FLRT2: variants seen among roughly 807,000 people sequenced by gnomAD.
The protein encoded by FLRT2 is leucine-rich repeat transmembrane protein FLRT2.
FLRT2 carries 15 observed loss-of-function variants against 40.0 expected under a neutral mutation model. That is an observed-to-expected ratio of 0.38 (90% CI 0.25 to 0.58). FLRT2 has a LOEUF of 0.58. Among genes scored for constraint, FLRT2 ranks in the 20% least tolerant of loss-of-function variants. FLRT2 has a pLI of 0.71. For synonymous variants in FLRT2, 380 were observed against 336.8 expected (o/e 1.13, Z -1.41); for missense variants, 726 against 840.0 (o/e 0.86, Z 1.68).
chr14:85,545,387 C>T (rs12882499), intron 1 of FLRT2, among the ~76,000 whole-genome samples: 94,519 of 152,010 alleles, frequency 0.62, 30,194 homozygotes, highest in Middle Eastern at 0.73. Context: ...CCTCAGATTG[C>T]TTGTTTTACT....
chr14:85,537,867 C>T (rs1888762235), intron 1 of FLRT2, among the ~76,000 whole-genome samples: 2 of 146,148 alleles, frequency 1.4e-5, no homozygotes, highest in South Asian at 2.1e-4. Flanking sequence ...TCTTCCTTAG[C>T]GAATTTCACA....
intron 1 of FLRT2, among the ~76,000 whole-genome samples, chr14:85,603,340 A>G (rs1892464268): frequency 2.0e-5 from 3 of 152,092 alleles, no homozygotes; most frequent in Non-Finnish European, 4.4e-5. Context: ...ATCGATTATG[A>G]AGGAGAAAAA....
rs1398404412 is a variant in FLRT2, at chr14:85,636,891, T to A, written c.*13394T>A. 8.0e-6 allele frequency: 1 copy of A among 125,590 alleles called. No individual in the cohort carries two copies. The highest frequency in any genetic ancestry group is 1.6e-5 in the Non-Finnish European group (1 of 64,492). 7.8% of individuals were successfully genotyped at this position (125,590 alleles called of 1,614,324 possible). On this transcript the variant is annotated 3_prime_UTR_variant, in exon 2 of 2. Coordinates refer to ENST00000330753, the MANE Select transcript of FLRT2 (RefSeq NM_013231.6). ...TTGCAGTGAGCTGAGATAGTGCCAC[T>A]GCATTCTAGCCTGGGTGACAGAGCG...
In FLRT2 at chr14:85,621,349, C is replaced by A. The variant is rs952646145; in HGVS notation, c.-166C>A. ...AAGAGGGCAACACAGGCTGATAAGACCAGAGACAGCAGGGAGATTATTTTA... is the reference window on the plus strand; with the variant it reads ...AAGAGGGCAACACAGGCTGATAAGAACAGAGACAGCAGGGAGATTATTTTA... On this transcript the variant is annotated 5_prime_UTR_variant, in exon 2 of 2. Coordinates refer to ENST00000330753, the MANE Select transcript of FLRT2 (RefSeq NM_013231.6). 4 of 653,670 alleles carry A rather than the reference C, an allele frequency of 6.1e-6. No individual in the cohort carries two copies. The highest frequency in any genetic ancestry group is 3.6e-5 in the African/African-American group (2 of 54,846). 40.5% of individuals were successfully genotyped at this position (653,670 alleles called of 1,614,324 possible).
chr14:85,566,849 T>C (rs1332636822), intron 1 of FLRT2, among the ~76,000 whole-genome samples: 1 of 152,004 alleles, frequency 6.6e-6, no homozygotes, highest in African/African-American at 2.4e-5. Flanking sequence ...ATTTTTCAGT[T>C]TGGTCATTTG....
chr14:85,558,539 A>C (rs1281256956), intron 1 of FLRT2, among the ~76,000 whole-genome samples: 2 of 152,178 alleles, frequency 1.3e-5, no homozygotes, highest in East Asian at 3.9e-4. Flanking sequence ...CAGAGACATG[A>C]GGAGAATTGA....
At chr14:85,549,347 A>T (rs998803974) in intron 1 of FLRT2, among the ~76,000 whole-genome samples, 2 of 152,024 alleles carry the variant, frequency 1.3e-5, no homozygotes, top group African/African-American at 4.8e-5. Flanking sequence ...GCCTGCACGG[A>T]GTTTTGCTTC....
chr14:85,638,120 A>T lies in FLRT2; in HGVS notation c.*14623A>T. 1 of 152,192 alleles carries T rather than the reference A, an allele frequency of 6.6e-6. No individual in the cohort carries two copies. The highest frequency in any genetic ancestry group is 1.5e-5 in the Non-Finnish European group (1 of 68,076). The allele number at this position is 152,192 out of a possible 1,614,324, so 9.4% of individuals were successfully genotyped here. On this transcript the variant is annotated 3_prime_UTR_variant, in exon 2 of 2. Coordinates refer to ENST00000330753, the MANE Select transcript of FLRT2 (RefSeq NM_013231.6). ...ACAATTACCGGTAGAGAATGGGATA[A>T]AGGACAACTGAGTGTGGATAGAGAA...
At chr14:85,612,554 T>C (rs1362380900) in intron 1 of FLRT2, among the ~76,000 whole-genome samples, 2 of 152,052 alleles carry the variant, frequency 1.3e-5, no homozygotes, top group African/African-American at 2.4e-5. Context: ...TTGGGGTGGG[T>C]TGGGGGGAAA....
At chr14:85,570,861 A>C (rs1890860913) in intron 1 of FLRT2, among the ~76,000 whole-genome samples, 1 of 151,500 alleles carries the variant, frequency 6.6e-6, no homozygotes, top group Non-Finnish European at 1.5e-5. Flanking sequence ...CTGGGATTAC[A>C]GGCGTGAGCC....
At chr14:85,568,806 G>C (rs1035544476) in intron 1 of FLRT2, among the ~76,000 whole-genome samples, 1 of 152,070 alleles carries the variant, frequency 6.6e-6, no homozygotes, top group Admixed American at 6.5e-5. Context: ...GTTTTACTAC[G>C]TGTAACCTGG....
At position 85,587,899 on chromosome 14, in the gene FLRT2, G is replaced by A. The variant is rs112188459; in HGVS notation, c.-376-33240G>A. On this transcript the variant is annotated intron_variant, in intron 1 of 1. Transcript: ENST00000330753. ...GTGGCATGGTGAATGATGAGGAAAT[G>A]TTCTGGGGGACTGCTTTTATTTCAG... 7.3e-3 allele frequency among the ~76,000 whole-genome samples: 1,104 copies of A among 152,028 alleles called. 15 individuals carry two copies. Among genetic ancestry groups the A allele is most frequent in the African/African-American group, 0.024 (1,003 of 41,488 alleles).
rs976793534 is a variant in FLRT2 at position 85,623,078 on chromosome 14, G to C, written c.1564G>C (p.Gly522Arg). ...ATTHASYLNN[G>R]SNTASSHEQT... ...CACCCATGCCTCCTATCTGAACAAC[G>C]GCAGCAACACAGCGTCCAGCCATGA... The change falls in exon 2 of 2, where the codon GGC becomes CGC. Residue 522 changes from glycine (G) to arginine (R), a missense_variant. This residue lies in a region of FLRT2 where 611 missense variants were observed against 690.0 expected (regional missense o/e 0.89). Transcript: ENST00000330753. The C allele has an allele frequency of 3.1e-6, 5 of 1,614,092 alleles. No homozygotes were observed. The highest frequency in any genetic ancestry group is 4.2e-6 in the Non-Finnish European group (5 of 1,180,020).
chr14:85,607,959 ATCTTC>A (rs935629957), intron 1 of FLRT2, among the ~76,000 whole-genome samples: 21 of 143,704 alleles, frequency 1.5e-4, no homozygotes, highest in African/African-American at 6.3e-4. Context: ...ATAGATAGCC[ATCTTC>A]TCTTCTCTTG....
chr14:85,595,973 GGGCAGGTTT>G (rs1892122311), intron 1 of FLRT2, among the ~76,000 whole-genome samples: 2 of 152,132 alleles, frequency 1.3e-5, no homozygotes, highest in East Asian at 3.9e-4. Context: ...AAGTCCCCTG[GGGCAGGTTT>G]GGAGGTCTTT....
chr14:85,636,859 G>A lies in FLRT2; in HGVS notation c.*13362G>A, dbSNP rs924200389. On this transcript the variant is annotated 3_prime_UTR_variant, in exon 2 of 2. Transcript: ENST00000330753. ...CAGCAGAATTGCTTGAACCTGGGAG[G>A]CGGAGGTTGCAGTGAGCTGAGATAG... 2.0e-5 allele frequency: 3 copies of A among 149,980 alleles called. No homozygotes were observed. Among genetic ancestry groups the A allele is most frequent in the Non-Finnish European group, 3.0e-5 (2 of 67,730 alleles). The allele number at this position is 149,980 out of a possible 1,614,324, so 9.3% of individuals were successfully genotyped here. A position where few individuals can be genotyped will look rare whatever the true frequency, so the allele number is the denominator to read the frequency against.
At chr14:85,584,275 T>TAG (rs1188747974) in intron 1 of FLRT2, among the ~76,000 whole-genome samples, 104 of 152,340 alleles carry the variant, frequency 6.8e-4, no homozygotes, top group Non-Finnish European at 2.1e-4. Context: ...GATGGGCACA[T>TAG]ATGGCTGCAT....
intron 1 of FLRT2, among the ~76,000 whole-genome samples, chr14:85,542,703 A>G (rs117252551): frequency 0.019 from 2,930 of 152,280 alleles, 58 homozygotes; most frequent in Non-Finnish European, 0.025. Context: ...GTACTCAGAT[A>G]GGTAAAGAAC....
chr14:85,533,140 C>G (rs1888391749), intron 1 of FLRT2, among the ~76,000 whole-genome samples: 1 of 152,046 alleles, frequency 6.6e-6, no homozygotes, highest in Non-Finnish European at 1.5e-5. Context: ...GGAGGGACTC[C>G]GGGAGAGAGG....
Sources: gnomAD v4.1 joint callset for allele counts (sites outside exome capture counted in the v4.1 genomes callset) on GRCh38, gnomAD v4.1.1 for gene constraint, gnomAD v4.1.1 regional missense constraint, MANE v1.5 for transcripts, NCBI Gene and HGNC (gene_info 2026-07-23, HGNC 2026-07-21) for gene names.